Variants in UTS2 observed in about 807,000 individuals in gnomAD.
The protein encoded by UTS2 is urotensin 2.
UTS2 carries 10 observed loss-of-function variants against 12.6 expected under a neutral mutation model. The ratio of observed to expected loss-of-function variants is 0.80; its 90% CI spans 0.49 to 1.35. UTS2 has a LOEUF of 1.35. Among genes scored for constraint, UTS2 ranks in the 40% most tolerant of loss-of-function variants. The probability of loss-of-function intolerance (pLI) is 0.00; values close to 1 mark genes in which losing one functional copy is unlikely to be tolerated. For missense variants in UTS2, 142 were observed against 143.2 expected, an observed-to-expected ratio of 0.99 and a Z score of 0.04; for synonymous variants, 52 against 50.0, an observed-to-expected ratio of 1.04 and a Z score of -0.17.
At chr1:7,911,102 G>A in the UTS2 span, among the ~76,000 whole-genome samples, 2 of 152,168 alleles carry the variant, frequency 1.3e-5, no homozygotes, top group African/African-American at 4.8e-5. Context: ...GAATAAGGAG[G>A]AATTGGGACC....
At chr1:7,876,913 C>A in the UTS2 span, among the ~76,000 whole-genome samples, 3 of 151,892 alleles carry the variant, frequency 2.0e-5, no homozygotes, top group African/African-American at 7.3e-5. Context: ...AGGTGGATTG[C>A]GAGGTCAGGA....
chr1:7,909,350 G>A, the UTS2 span, among the ~76,000 whole-genome samples: 2 of 151,968 alleles, frequency 1.3e-5, no homozygotes, highest in South Asian at 2.1e-4. Flanking sequence ...TTCGAGACCA[G>A]CCTGGTTAAC....
the UTS2 span, among the ~76,000 whole-genome samples, chr1:7,878,583 A>G: frequency 6.6e-6 from 1 of 152,162 alleles, no homozygotes; most frequent in Non-Finnish European, 1.5e-5. Context: ...TTGCCTACCT[A>G]AAATGTATAG....
chr1:7,908,419 T>C, the UTS2 span, among the ~76,000 whole-genome samples: 1 of 146,224 alleles, frequency 6.8e-6, no homozygotes, highest in Non-Finnish European at 1.5e-5. Context: ...TGAGCTGAGA[T>C]TGCATCGCTC....
the UTS2 span, among the ~76,000 whole-genome samples, chr1:7,882,910 AT>A: frequency 1.3e-5 from 2 of 152,234 alleles, no homozygotes; most frequent in Non-Finnish European, 2.9e-5. Context: ...AGACAAAAAA[AT>A]AAATGCAGGT....
chr1:7,890,074 A>G, the UTS2 span, among the ~76,000 whole-genome samples: 96 of 151,830 alleles, frequency 6.3e-4, no homozygotes, highest in South Asian at 8.6e-3. Flanking sequence ...CTCAAAAAAA[A>G]AAGATTGTGC....
upstream of UTS2, among the ~76,000 whole-genome samples, chr1:7,854,428 C>G (rs1638259773): frequency 6.7e-6 from 1 of 149,528 alleles, no homozygotes; most frequent in Non-Finnish European, 1.5e-5. Context: ...GCCTGTATCA[C>G]TTGAGCCTGG....
chr1:7,900,000 C>G, the UTS2 span, among the ~76,000 whole-genome samples: 1 of 152,172 alleles, frequency 6.6e-6, no homozygotes, highest in East Asian at 1.9e-4. Context: ...GAGAGTGTAC[C>G]CAACCCGGAA....
Position 7,847,633 on chromosome 1 carries a change from A to AT in UTS2, c.*132dup, listed in dbSNP as rs984549714. 33 of 700,928 alleles carry AT rather than the reference A, an allele frequency of 4.7e-5. No individual in the cohort carries two copies. The African/African-American group carries it at 5.0e-4, about 11-fold the overall frequency. The allele number at this position is 700,928 out of a possible 1,614,324, so 43.4% of individuals were successfully genotyped here. ...GATATGTGCAAAACATAGAGGATTT[A>AT]TTTTCCAGGTAACAATGAACAGGGT... On this transcript the variant is annotated 3_prime_UTR_variant, in exon 4 of 4. Transcript: ENST00000361696.
chr1:7,888,828 A>G, the UTS2 span, among the ~76,000 whole-genome samples: 1 of 152,130 alleles, frequency 6.6e-6, no homozygotes, highest in Admixed American at 6.5e-5. Flanking sequence ...GAACATTTTG[A>G]GAGTTGTCTT....
the UTS2 span, among the ~76,000 whole-genome samples, chr1:7,885,261 TCTTC>T: frequency 2.4e-4 from 37 of 152,384 alleles, no homozygotes; most frequent in African/African-American, 8.9e-4. Flanking sequence ...CTTTCTTGTT[TCTTC>T]CTTGTCCATT....
chr1:7,872,210 G>T, the UTS2 span, among the ~76,000 whole-genome samples: 2 of 136,874 alleles, frequency 1.5e-5, no homozygotes, highest in Non-Finnish European at 3.0e-5. Context: ...TGAGGCAGGA[G>T]AATCACTTGA....
chr1:7,879,486 A>T, the UTS2 span, among the ~76,000 whole-genome samples: 2 of 152,200 alleles, frequency 1.3e-5, no homozygotes, highest in African/African-American at 4.8e-5. Flanking sequence ...CACGCCTGTA[A>T]TCCCAGTACT....
At chr1:7,868,427 T>A in the UTS2 span, among the ~76,000 whole-genome samples, 1 of 152,074 alleles carries the variant, frequency 6.6e-6, no homozygotes, top group Admixed American at 6.5e-5. Context: ...TACCAACATC[T>A]ATTGAGGCAG....
rs765176159 is a variant in UTS2, at chr1:7,850,804, C to T, written c.214+8G>A. On this transcript the variant is annotated splice_region_variant and intron_variant, in intron 2 of 3. Transcript: ENST00000361696. The stretch of plus-strand genomic sequence containing the variant: ...TCAGACACGCTATAAACATGAGAAG[C>T]ATTTTACCTGCTTTCCTGAGAATAT... The T allele has an allele frequency of 1.9e-6, 3 of 1,613,738 alleles. No homozygotes were observed. Among genetic ancestry groups the T allele is most frequent in the South Asian group, 1.1e-5 (1 of 91,068 alleles).
At chr1:7,892,077 C>T in the UTS2 span, among the ~76,000 whole-genome samples, 3,907 of 152,316 alleles carry the variant, frequency 0.026, 102 homozygotes, top group Admixed American at 0.076. Context: ...TGGACCCCTA[C>T]CTTGCCCTGC....
At chr1:7,852,867 C>A in intron 1 of UTS2, 34 bp downstream of exon 1, 8 of 1,582,818 alleles carry the variant, frequency 5.1e-6, no homozygotes, top group Non-Finnish European at 6.8e-6. Flanking sequence ...AAGGCTCTTT[C>A]AAGACTAACA....
the UTS2 span, among the ~76,000 whole-genome samples, chr1:7,864,485 G>A: frequency 6.6e-6 from 1 of 152,186 alleles, no homozygotes; most frequent in Non-Finnish European, 1.5e-5. Context: ...GTGGCCTCTG[G>A]TCCCTTCTTT....
chr1:7,874,344 T>C, the UTS2 span, among the ~76,000 whole-genome samples: 1 of 152,138 alleles, frequency 6.6e-6, no homozygotes, highest in African/African-American at 2.4e-5. Context: ...CTCTGAGACC[T>C]GAGCAGCTGC....
Sources: gnomAD v4.1 joint callset for allele counts (sites outside exome capture counted in the v4.1 genomes callset) on GRCh38, gnomAD v4.1.1 for gene constraint, MANE v1.5 for transcripts, NCBI Gene and HGNC (gene_info 2026-07-23, HGNC 2026-07-21) for gene names.